Variants in AKAP19 observed in about 807,000 individuals in gnomAD.
The protein encoded by AKAP19 is A-kinase anchoring protein 19, also known as small A-kinase anchoring protein.
chr2:190,014,411 T>G, the AKAP19 span, among the ~76,000 whole-genome samples: 301 of 152,228 alleles, frequency 2.0e-3, no homozygotes, highest in African/African-American at 6.9e-3. Context: ...CCAGATCTCA[T>G]GAAAATTCAC....
the AKAP19 span, among the ~76,000 whole-genome samples, chr2:190,156,116 T>TA: frequency 4.6e-5 from 7 of 151,826 alleles, no homozygotes; most frequent in African/African-American, 9.7e-5. Flanking sequence ...GGTTTTGGCT[T>TA]AAAAAAAGAT....
the AKAP19 span, among the ~76,000 whole-genome samples, chr2:190,118,926 TTGTCCC>T: frequency 6.6e-6 from 1 of 152,226 alleles, no homozygotes; most frequent in South Asian, 2.1e-4. Context: ...GGAAGTCAAA[TTGTCCC>T]TGTTTGCAGA....
the AKAP19 span, among the ~76,000 whole-genome samples, chr2:190,098,277 T>G: frequency 6.6e-6 from 1 of 152,192 alleles, no homozygotes; most frequent in African/African-American, 2.4e-5. Context: ...GCTTGATCCA[T>G]GGGCTACAGA....
the AKAP19 span, among the ~76,000 whole-genome samples, chr2:190,145,148 G>A: frequency 2.6e-5 from 4 of 152,148 alleles, no homozygotes; most frequent in South Asian, 2.1e-4. Flanking sequence ...TTAGCCAGAC[G>A]TGGTAGCCCA....
the AKAP19 span, chr2:189,924,069 A>T: frequency 2.0e-6 from 3 of 1,531,930 alleles, no homozygotes; most frequent in Non-Finnish European, 9.0e-7. Context: ...GGGGGTGCAG[A>T]TGACTCTGCT....
the AKAP19 span, among the ~76,000 whole-genome samples, chr2:190,001,606 C>G: frequency 1.3e-5 from 2 of 152,126 alleles, no homozygotes; most frequent in Non-Finnish European, 2.9e-5. Flanking sequence ...AGGAACTCCC[C>G]ATCATCTGCA....
At chr2:190,092,443 C>T in the AKAP19 span, among the ~76,000 whole-genome samples, 11 of 151,974 alleles carry the variant, frequency 7.2e-5, no homozygotes, top group Middle Eastern at 3.4e-3. Flanking sequence ...AGGGATCCAC[C>T]GTTTTGTCTT....
At chr2:189,896,569 G>A in the AKAP19 span, among the ~76,000 whole-genome samples, 15 of 152,072 alleles carry the variant, frequency 9.9e-5, no homozygotes, top group South Asian at 2.3e-3. Context: ...TTGGCTAAAC[G>A]TTAAAGGAAA....
chr2:190,012,016 A>G, the AKAP19 span, among the ~76,000 whole-genome samples: 3 of 152,172 alleles, frequency 2.0e-5, no homozygotes, highest in Admixed American at 6.6e-5. Flanking sequence ...TCTGTAGATC[A>G]CTTTGGGTAG....
the AKAP19 span, among the ~76,000 whole-genome samples, chr2:190,002,388 A>C: frequency 6.6e-6 from 1 of 152,046 alleles, no homozygotes. Context: ...TTTCACTCCC[A>C]TTAGTTTCTA....
At chr2:189,943,611 C>T in the AKAP19 span, among the ~76,000 whole-genome samples, 6 of 152,306 alleles carry the variant, frequency 3.9e-5, no homozygotes, top group Admixed American at 2.0e-4. Context: ...CTCCAGACCC[C>T]AGAATGGTAA....
the AKAP19 span, among the ~76,000 whole-genome samples, chr2:189,965,014 G>A: frequency 1.5e-4 from 23 of 152,306 alleles, 1 homozygote; most frequent in African/African-American, 4.8e-4. Flanking sequence ...GACCTGCCTT[G>A]TTTACTAAAC....
the AKAP19 span, among the ~76,000 whole-genome samples, chr2:189,955,299 T>C: frequency 1.3e-5 from 2 of 151,860 alleles, no homozygotes; most frequent in Non-Finnish European, 2.9e-5. Context: ...TTTGTTTTTG[T>C]TTTTTGTTTT....
chr2:189,974,313 T>C, the AKAP19 span, among the ~76,000 whole-genome samples: 4 of 152,214 alleles, frequency 2.6e-5, no homozygotes, highest in Admixed American at 6.5e-5. Flanking sequence ...TAATCCTGAG[T>C]TCTAGTTTGA....
At chr2:189,940,808 A>C in the AKAP19 span, among the ~76,000 whole-genome samples, 1 of 151,708 alleles carries the variant, frequency 6.6e-6, no homozygotes, top group Non-Finnish European at 1.5e-5. Flanking sequence ...GGAGAGTGGC[A>C]TGAACCTGGG....
chr2:190,143,770 C>A, the AKAP19 span, among the ~76,000 whole-genome samples: 2 of 150,578 alleles, frequency 1.3e-5, no homozygotes, highest in Admixed American at 6.6e-5. Flanking sequence ...TGGAACCAAG[C>A]CAAATGTCCA....
chr2:189,986,270 G>A, the AKAP19 span, among the ~76,000 whole-genome samples: 1 of 152,058 alleles, frequency 6.6e-6, no homozygotes, highest in Non-Finnish European at 1.5e-5. Flanking sequence ...TTGCTTAAAG[G>A]GAAATTGCTT....
chr2:189,983,986 A>C, the AKAP19 span, among the ~76,000 whole-genome samples: 1 of 152,152 alleles, frequency 6.6e-6, no homozygotes, highest in Admixed American at 6.5e-5. Context: ...GGAGTGTGTG[A>C]ATAGGTGTGG....
chr2:189,914,836 T>C, the AKAP19 span, among the ~76,000 whole-genome samples: 3 of 152,074 alleles, frequency 2.0e-5, no homozygotes, highest in Non-Finnish European at 4.4e-5. Context: ...CTTAGAGACA[T>C]GAAGTAAATT....
Sources: allele counts gnomAD v4.1 joint callset (sites outside exome capture counted in the v4.1 genomes callset), GRCh38; gene constraint gnomAD v4.1.1; transcripts MANE v1.5; gene names NCBI Gene and HGNC (gene_info 2026-07-23, HGNC 2026-07-21).